Variants in ATG14 observed in about 807,000 individuals in gnomAD.
ATG14 encodes the protein beclin 1-associated autophagy-related key regulator.
ATG14 carries 35 observed loss-of-function variants against 60.4 expected under a neutral mutation model. That is an observed-to-expected ratio of 0.58 (90% CI 0.44 to 0.77). The LOEUF (loss-of-function observed/expected upper bound fraction) is 0.77, where lower values mean the gene tolerates loss of function less well. Among genes scored for constraint, ATG14 ranks in the 30% least tolerant of loss-of-function variants. The pLI, the probability that ATG14 is intolerant of heterozygous loss-of-function variation, is 0.00. For synonymous variants in ATG14, 234 were observed against 228.8 expected (o/e 1.02, Z -0.21); for missense variants, 647 against 626.3 (o/e 1.03, Z -0.35).
At chr14:55,410,293 T>C (rs1411026562) in intron 1 of ATG14, among the ~76,000 whole-genome samples, 6 of 152,208 alleles carry the variant, frequency 3.9e-5, no homozygotes, top group Non-Finnish European at 8.8e-5. Flanking sequence ...CTGGCAGTCT[T>C]AAGCATATAG....
rs1282830110 is a variant in ATG14, at chr14:55,383,294, T to C, written c.648-1103A>G. 2.6e-5 allele frequency among the ~76,000 whole-genome samples: 4 copies of C among 152,144 alleles called. No individual in the cohort carries two copies. In the South Asian group the frequency reaches 6.2e-4, roughly 24 times the overall value. On this transcript the variant is annotated intron_variant, in intron 5 of 9. Transcript: ENST00000247178. Reference sequence around the variant, plus strand: ...GGCTAGGTGCAGTGATTCATGCCTGTAATCCCAGCACTTTGGAAGGCTGAG... The same window carrying C: ...GGCTAGGTGCAGTGATTCATGCCTGCAATCCCAGCACTTTGGAAGGCTGAG...
chr14:55,394,275 G>A (rs765129316), intron 3 of ATG14, among the ~76,000 whole-genome samples: 5 of 151,944 alleles, frequency 3.3e-5, no homozygotes, highest in Admixed American at 6.6e-5. Flanking sequence ...AAAGTGCTGG[G>A]ATTATAGGCA....
chr14:55,393,860 AAG>A (rs2140142515), intron 3 of ATG14, among the ~76,000 whole-genome samples: 1 of 151,918 alleles, frequency 6.6e-6, no homozygotes, highest in East Asian at 2.0e-4. Context: ...CAGATTTTAT[AAG>A]AGTATATTTA....
At position 55,367,744 on chromosome 14, in the gene ATG14, CA is replaced by C. The variant is rs139279146; in HGVS notation, c.*1874del. ...GGGCAGCTGAGTGAGACTCCGTCTC[CA>C]AAAAAAAAAAAGACCACCCACAACG... On this transcript the variant is annotated 3_prime_UTR_variant, in exon 10 of 10. Coordinates refer to ENST00000247178, the MANE Select transcript of ATG14 (RefSeq NM_014924.5). 0.39 allele frequency: 54,967 copies of C among 141,862 alleles called. 10,312 individuals carry two copies. The highest frequency in any genetic ancestry group is 0.43 in the Non-Finnish European group (27,809 of 64,878). 8.8% of individuals were successfully genotyped at this position (141,862 alleles called of 1,614,324 possible). A position where few individuals can be genotyped will look rare whatever the true frequency, so the allele number is the denominator to read the frequency against.
At chr14:55,370,932 C>G (rs1167059471) in intron 9 of ATG14, among the ~76,000 whole-genome samples, 2 of 152,136 alleles carry the variant, frequency 1.3e-5, no homozygotes, top group Non-Finnish European at 1.5e-5. Context: ...TGAGCCACCA[C>G]GCCCGGCCGC....
Position 55,369,792 on chromosome 14 carries a change from C to A in ATG14, c.1306G>T (p.Glu436Ter). Residue 436 changes from glutamate (E) to a stop codon, truncating the protein, a stop_gained, in exon 10 of 10, where the codon GAG (glutamate) becomes TAG (stop). Transcript: ENST00000247178. LOFTEE classifies it high-confidence loss of function. ...CAAAACCGGGGACTAGGCAAGTTCT[C>A]CCAGTCTGTGCCCAGGTCGGTTTCT... ...DEETDLGTDW[E>*]NLPSPRFCDI... 6.2e-7 allele frequency: 1 copy of A among 1,614,180 alleles called. No individual in the cohort carries two copies. Among genetic ancestry groups the A allele is most frequent in the Non-Finnish European group, 8.5e-7 (1 of 1,180,030 alleles).
intron 1 of ATG14, among the ~76,000 whole-genome samples, chr14:55,405,836 G>A (rs1177006231): frequency 4.1e-5 from 6 of 145,700 alleles, no homozygotes; most frequent in Non-Finnish European, 6.0e-5. Flanking sequence ...AGATGACAGG[G>A]AACACGCCTT....
chr14:55,370,377 G>T (rs1004304156), intron 9 of ATG14, among the ~76,000 whole-genome samples: 22 of 150,360 alleles, frequency 1.5e-4, no homozygotes, highest in African/African-American at 5.3e-4. Context: ...AAAACTCAGT[G>T]GGTTCCTGTA....
chr14:55,401,787 G>A (rs936253185), intron 1 of ATG14, among the ~76,000 whole-genome samples: 1 of 152,124 alleles, frequency 6.6e-6, no homozygotes, highest in African/African-American at 2.4e-5. Context: ...AACCCAGCTC[G>A]GGCTTCAGAG....
chr14:55,370,480 A>G (rs72717733), intron 9 of ATG14, among the ~76,000 whole-genome samples: 1,709 of 152,340 alleles, frequency 0.011, 15 homozygotes, highest in Middle Eastern at 0.027. Flanking sequence ...GCAATGTTGT[A>G]TATTTCTGCA....
At chr14:55,379,583 A>C in intron 7 of ATG14, among the ~76,000 whole-genome samples, 1 of 152,310 alleles carries the variant, frequency 6.6e-6, no homozygotes, top group East Asian at 1.9e-4. Context: ...TTTTTAAAAA[A>C]ATTAAAAAGA....
At chr14:55,384,461 A>C (rs1017755857) in intron 5 of ATG14, among the ~76,000 whole-genome samples, 4 of 152,234 alleles carry the variant, frequency 2.6e-5, no homozygotes, top group Non-Finnish European at 2.9e-5. Context: ...TCCTGCTAAT[A>C]TCTCTTTTGG....
In ATG14 at chr14:55,376,864, G is replaced by A. The variant is rs187257672; in HGVS notation, c.1172+955C>T. Among the ~76,000 whole-genome samples the A allele has an allele frequency of 1.5e-3, 235 of 152,310 alleles. 2 individuals carry two copies. The highest frequency in any genetic ancestry group is 5.4e-3 in the African/African-American group (223 of 41,572). On this transcript the variant is annotated intron_variant, in intron 9 of 9. Transcript: ENST00000247178. ...CACCCAGCACAGGCGTGCATGGATG[G>A]AACGAAAGCTAAGGCTCGTACAGTA...
intron 5 of ATG14, among the ~76,000 whole-genome samples, chr14:55,383,421 G>A (rs1000099990): frequency 2.0e-5 from 3 of 151,798 alleles, no homozygotes; most frequent in African/African-American, 7.3e-5. Flanking sequence ...CGTGGTGGTG[G>A]GTGCCTGTAA....
intron 3 of ATG14, chr14:55,394,999 T>C: frequency 2.2e-6 from 1 of 456,544 alleles, no homozygotes; most frequent in South Asian, 1.6e-5. Flanking sequence ...TTTTAGTTTC[T>C]TGTTTTCTGC....
intron 3 of ATG14, among the ~76,000 whole-genome samples, chr14:55,393,548 A>ATTTTTT (rs776111828): frequency 1.4e-5 from 2 of 142,902 alleles, no homozygotes; most frequent in Admixed American, 1.4e-4. Context: ...ATCTTTTCAG[A>ATTTTTT]TTTTTTTTTT....
intron 4 of ATG14, among the ~76,000 whole-genome samples, chr14:55,389,877 T>C (rs189155081): frequency 1.3e-5 from 2 of 152,248 alleles, no homozygotes; most frequent in African/African-American, 4.8e-5. Flanking sequence ...GAATTCATTT[T>C]GACAACGATC....
chr14:55,377,940 C>A, intron 8 of ATG14, 36 bp from the exon 9 acceptor site: 1 of 1,593,100 alleles, frequency 6.3e-7, no homozygotes, highest in Non-Finnish European at 8.6e-7. Context: ...ATATTTTCAA[C>A]TATTTAACAA....
chr14:55,404,388 C>G (rs1419181860), intron 1 of ATG14, among the ~76,000 whole-genome samples: 2 of 152,202 alleles, frequency 1.3e-5, no homozygotes, highest in Non-Finnish European at 2.9e-5. Flanking sequence ...TTACACTGCC[C>G]TCTGGGATGT....
Sources: gnomAD v4.1 joint callset for allele counts (sites outside exome capture counted in the v4.1 genomes callset) on GRCh38, gnomAD v4.1.1 for gene constraint, MANE v1.5 for transcripts, NCBI Gene and HGNC (gene_info 2026-07-23, HGNC 2026-07-21) for gene names.